The following NEK1 variants were observed in gnomAD, a reference collection of about 807,000 sequenced individuals.
NEK1 encodes the protein serine/threonine-protein kinase Nek1.
Under a neutral mutation model 182.1 loss-of-function variants are expected in NEK1, and 137 were observed. The ratio of observed to expected loss-of-function variants is 0.75; its 90% CI spans 0.65 to 0.87. NEK1 has a LOEUF of 0.87. NEK1 is among the 40% of genes least tolerant of loss of function. The pLI is 0.00. For missense variants in NEK1, 1,391 were observed against 1,494.4 expected, an observed-to-expected ratio of 0.93 and a Z score of 1.14; for synonymous variants, 513 against 492.2, an observed-to-expected ratio of 1.04 and a Z score of -0.56.
Position 169,393,185 on chromosome 4 carries a change from G to T in NEK1, c.*1325C>A, listed in dbSNP as rs1733683180. The T allele has an allele frequency of 6.6e-6, 1 of 151,904 alleles. No homozygotes were observed. The highest frequency in any genetic ancestry group is 2.4e-5 in the African/African-American group (1 of 41,348). The allele number at this position is 151,904 out of a possible 1,614,324, so 9.4% of individuals were successfully genotyped here. ...CCATTATGAAGAAAGAAATCATCAG[G>T]TACAAAACCAACAAAAGTATTATCA... On this transcript the variant is annotated 3_prime_UTR_variant, in exon 36 of 36. Transcript: ENST00000507142.
At chr4:169,420,317 C>T (rs920908199) in intron 31 of NEK1, among the ~76,000 whole-genome samples, 2 of 152,172 alleles carry the variant, frequency 1.3e-5, no homozygotes, top group African/African-American at 4.8e-5. Flanking sequence ...TTACAGTTCA[C>T]TTTCTTTTAA....
intron 27 of NEK1, among the ~76,000 whole-genome samples, chr4:169,454,938 C>T (rs896690588): frequency 6.6e-6 from 1 of 152,168 alleles, no homozygotes; most frequent in Non-Finnish European, 1.5e-5. Context: ...CAAATGCCAT[C>T]AATGATAGAC....
At chr4:169,398,396 T>C (rs1731080102) in intron 35 of NEK1, among the ~76,000 whole-genome samples, 1 of 152,162 alleles carries the variant, frequency 6.6e-6, no homozygotes, top group African/African-American at 2.4e-5. Flanking sequence ...TTATTCAAGT[T>C]TGAGGAACAC....
At chr4:169,589,023 C>T (rs1767989464) in intron 7 of NEK1, among the ~76,000 whole-genome samples, 1 of 152,192 alleles carries the variant, frequency 6.6e-6, no homozygotes, top group Non-Finnish European at 1.5e-5. Context: ...CACTCACTCA[C>T]AGAAAGCAAC....
chr4:169,457,745 AGGAGG>A (rs1033195668), intron 27 of NEK1, among the ~76,000 whole-genome samples: 3 of 80,274 alleles, frequency 3.7e-5, no homozygotes, highest in Admixed American at 1.8e-4. Context: ...GAGAAAGGAG[AGGAGG>A]GGAGGGGAGG....
intron 26 of NEK1, 118 bp from the exon 27 acceptor site, chr4:169,463,513 C>T: frequency 1.8e-6 from 1 of 548,794 alleles, no homozygotes; most frequent in Non-Finnish European, 2.9e-6. Flanking sequence ...AAGGTTATAT[C>T]ACAAAGACTT....
intron 11 of NEK1, among the ~76,000 whole-genome samples, chr4:169,580,027 C>G (rs1766349982): frequency 6.6e-6 from 1 of 152,014 alleles, no homozygotes; most frequent in South Asian, 2.1e-4. Context: ...AAAATAATTT[C>G]CCTCTCACAT....
intron 35 of NEK1, chr4:169,399,944 G>C (rs1200640302): frequency 2.6e-6 from 1 of 379,650 alleles, no homozygotes; most frequent in South Asian, 2.6e-5. Flanking sequence ...CTAATTGCTA[G>C]AGCTGTCCAA....
intron 19 of NEK1, among the ~76,000 whole-genome samples, chr4:169,524,714 C>T (rs980594661): frequency 2.0e-5 from 3 of 152,118 alleles, no homozygotes; most frequent in East Asian, 1.9e-4. Context: ...CCAAATCCAG[C>T]CCATCACTTG....
intron 2 of NEK1, 123 bp from the exon 3 acceptor site, chr4:169,602,801 A>G: frequency 1.9e-6 from 1 of 529,476 alleles, no homozygotes; most frequent in Non-Finnish European, 3.3e-6. Context: ...AAGGATATTT[A>G]ATATATTCAC....
At chr4:169,574,696 T>C (rs1442279179) in intron 12 of NEK1, among the ~76,000 whole-genome samples, 1 of 150,914 alleles carries the variant, frequency 6.6e-6, no homozygotes, top group African/African-American at 2.4e-5. Flanking sequence ...AGCAAAAGCA[T>C]CAAGGTAGAG....
intron 31 of NEK1, among the ~76,000 whole-genome samples, chr4:169,411,733 T>C (rs990496651): frequency 1.3e-5 from 2 of 152,238 alleles, no homozygotes; most frequent in African/African-American, 4.8e-5. Flanking sequence ...ATTAATCAAA[T>C]CTTGAAAATG....
At chr4:169,476,477 G>A (rs1326388160) in intron 26 of NEK1, among the ~76,000 whole-genome samples, 1 of 151,904 alleles carries the variant, frequency 6.6e-6, no homozygotes, top group Non-Finnish European at 1.5e-5. Context: ...AAGAACTGTT[G>A]AATAAATAAG....
At chr4:169,404,245 T>G (rs1449155906) in intron 32 of NEK1, among the ~76,000 whole-genome samples, 1 of 152,102 alleles carries the variant, frequency 6.6e-6, no homozygotes, top group East Asian at 1.9e-4. Flanking sequence ...AACACAATAT[T>G]TCAGTGTTTA....
At chr4:169,500,349 G>A (rs948019124) in intron 23 of NEK1, among the ~76,000 whole-genome samples, 14 of 152,290 alleles carry the variant, frequency 9.2e-5, no homozygotes, top group African/African-American at 2.6e-4. Context: ...TGCACTTCTC[G>A]GGTAAGGTGA....
chr4:169,530,028 C>G (rs938816302), intron 19 of NEK1, among the ~76,000 whole-genome samples: 1 of 152,136 alleles, frequency 6.6e-6, no homozygotes, highest in Non-Finnish European at 1.5e-5. Context: ...TATGACCCAG[C>G]AGACCCACTC....
At chr4:169,578,652 AAC>A (rs1313435122) in intron 11 of NEK1, among the ~76,000 whole-genome samples, 6 of 152,212 alleles carry the variant, frequency 3.9e-5, no homozygotes, top group Admixed American at 6.5e-5. Context: ...TATCAAATAT[AAC>A]AGTGTGTGTT....
Position 169,401,784 on chromosome 4 carries a change from C to T in NEK1, c.3451G>A (p.Glu1151Lys), listed in dbSNP as rs1064796596. 8 of 1,613,866 alleles carry T rather than the reference C, an allele frequency of 5.0e-6. No individual in the cohort carries two copies. The Middle Eastern group carries it at 4.9e-4, about 100-fold the overall frequency. The change falls in exon 33 of 36, where the codon GAA becomes AAA. Residue 1151 changes from glutamate to lysine, a missense_variant. By Grantham distance (56) the Glu-to-Lys change is moderately conservative. Coordinates refer to ENST00000507142, the MANE Select transcript of NEK1 (RefSeq NM_001199397.3). ...GACTCTTCTTCTTCACTGTATTCTT[C>T]ACCAGGTTGTTCCCTAAGTAACTGT... The part of the protein sequence containing the change: ...MEQLLREQPG[E>K]EYSEEEESVL...
chr4:169,428,378 A>C (rs1736813032), intron 29 of NEK1, among the ~76,000 whole-genome samples: 1 of 146,002 alleles, frequency 6.8e-6, no homozygotes, highest in Non-Finnish European at 1.5e-5. Context: ...ATATAATGGA[A>C]TATTATTCAG....
Sources: gnomAD v4.1 joint callset for allele counts (sites outside exome capture counted in the v4.1 genomes callset) on GRCh38, gnomAD v4.1.1 for gene constraint, MANE v1.5 for transcripts, NCBI Gene and HGNC (gene_info 2026-07-23, HGNC 2026-07-21) for gene names.